GPHN: variants seen among roughly 807,000 people sequenced by gnomAD.
The protein encoded by GPHN is gephyrin.
Under a neutral mutation model 95.5 loss-of-function variants are expected in GPHN, and 17 were observed. That is an observed-to-expected ratio of 0.18 (90% CI 0.12 to 0.27). The LOEUF (loss-of-function observed/expected upper bound fraction) is 0.27. Among genes scored for constraint, GPHN ranks in the 10% least tolerant of loss-of-function variants. The pLI is 1.00. For synonymous variants in GPHN, 320 were observed against 322.5 expected (o/e 0.99, Z 0.08); for missense variants, 660 against 978.1 (o/e 0.67, Z 4.34).
chr14:66,834,131 G>A (rs1209467654), intron 4 of GPHN, among the ~76,000 whole-genome samples: 1 of 151,988 alleles, frequency 6.6e-6, no homozygotes, highest in South Asian at 2.1e-4. Flanking sequence ...TTTGCTCTTG[G>A]CTGTGCTCAA....
At chr14:67,632,554 A>T in the GPHN span, among the ~76,000 whole-genome samples, 1 of 152,052 alleles carries the variant, frequency 6.6e-6, no homozygotes, top group African/African-American at 2.4e-5. Flanking sequence ...CACCATTTGT[A>T]CCCAGGGGAG....
At chr14:67,157,084 A>C (rs2081638672) in intron 18 of GPHN, among the ~76,000 whole-genome samples, 1 of 152,104 alleles carries the variant, frequency 6.6e-6, no homozygotes, top group African/African-American at 2.4e-5. Context: ...CTTATAAGAG[A>C]CACATCTTAA....
At chr14:67,209,487 AT>A in the GPHN span, among the ~76,000 whole-genome samples, 3 of 152,224 alleles carry the variant, frequency 2.0e-5, no homozygotes, top group African/African-American at 7.2e-5. Flanking sequence ...TTTTAAAAAA[AT>A]AAATACACTC....
intron 2 of GPHN, among the ~76,000 whole-genome samples, chr14:66,721,951 C>CAAAAAAAAAAAAAAAAAAAAAAAAAAAAA: frequency 1.7e-5 from 1 of 60,122 alleles, no homozygotes; most frequent in Non-Finnish European, 4.1e-5. Flanking sequence ...AACTCTGTCT[C>CAAAAAAAAAAAAAAAAAAAAAAAAAAAAA]AAAAAAAAAA....
chr14:67,382,470 G>A, the GPHN span: 1 of 1,613,474 alleles, frequency 6.2e-7, no homozygotes, highest in South Asian at 1.1e-5. Context: ...CTCCTCCTCG[G>A]TATGTAATGA....
chr14:67,582,202 A>T, the GPHN span: 1 of 1,613,706 alleles, frequency 6.2e-7, no homozygotes, highest in Non-Finnish European at 8.5e-7. This position sits in a 1 kb window ranked among gnomAD's most constrained non-coding sequence, Gnocchi z 5.0. Context: ...GGCTGCCCTG[A>T]TGGCCCAGGT....
chr14:67,201,820 A>G, the GPHN span: 1 of 264,138 alleles, frequency 3.8e-6, no homozygotes, highest in African/African-American at 2.3e-5. Context: ...CAATTATCAT[A>G]CAGCTGAGAA....
the GPHN span, among the ~76,000 whole-genome samples, chr14:67,506,976 C>G: frequency 3.9e-5 from 6 of 151,930 alleles, no homozygotes; most frequent in African/African-American, 1.5e-4. Context: ...GGGCCAGATT[C>G]CATCTAAAAA....
At chr14:66,590,696 C>G (rs1485670854) in intron 1 of GPHN, among the ~76,000 whole-genome samples, 1 of 152,014 alleles carries the variant, frequency 6.6e-6, no homozygotes, top group Non-Finnish European at 1.5e-5. Context: ...CAGGACCAGA[C>G]AGATTCACAG....
the GPHN span, among the ~76,000 whole-genome samples, chr14:67,610,046 G>C: frequency 1.3e-5 from 2 of 152,144 alleles, no homozygotes; most frequent in African/African-American, 4.8e-5. Flanking sequence ...GTCAAGGGCC[G>C]TTTGTGTCCT....
intron 17 of GPHN, among the ~76,000 whole-genome samples, chr14:67,141,199 C>G (rs1018760828): frequency 6.6e-6 from 1 of 152,116 alleles, no homozygotes; most frequent in Admixed American, 6.5e-5. Flanking sequence ...CAGGCCAGTG[C>G]TAGAGGAAAG....
chr14:67,275,884 C>T, the GPHN span, among the ~76,000 whole-genome samples: 302 of 152,234 alleles, frequency 2.0e-3, 2 homozygotes, highest in Non-Finnish European at 2.8e-3. Context: ...TCCATTTCTT[C>T]TAGATTTTCT....
chr14:66,937,395 T>TG (rs1396240546), intron 8 of GPHN, among the ~76,000 whole-genome samples: 7 of 152,010 alleles, frequency 4.6e-5, no homozygotes, highest in Non-Finnish European at 8.8e-5. Context: ...TTTTTTTTTT[T>TG]TTTTGAGACT....
At chr14:67,654,025 A>C in the GPHN span, among the ~76,000 whole-genome samples, 1 of 152,166 alleles carries the variant, frequency 6.6e-6, no homozygotes, top group African/African-American at 2.4e-5. Context: ...CAGCTGGAGG[A>C]TATTTCACCT....
At chr14:66,633,029 G>A (rs1566736017) in intron 1 of GPHN, among the ~76,000 whole-genome samples, 3 of 152,130 alleles carry the variant, frequency 2.0e-5, no homozygotes, top group African/African-American at 2.4e-5. Context: ...CATTCGAAGT[G>A]TACAATGTTT....
At chr14:66,586,724 C>T (rs1386777012) in intron 1 of GPHN, among the ~76,000 whole-genome samples, 2 of 152,194 alleles carry the variant, frequency 1.3e-5, no homozygotes, top group Non-Finnish European at 2.9e-5. Context: ...CCCCCACTCT[C>T]TTCTGGCTTG....
chr14:67,713,853 G>C, the GPHN span, among the ~76,000 whole-genome samples: 1 of 152,142 alleles, frequency 6.6e-6, no homozygotes, highest in East Asian at 1.9e-4. Context: ...ACAACTCGAA[G>C]CAGGGAGGGG....
the GPHN span, chr14:67,589,603 T>C: frequency 4.1e-6 from 4 of 986,026 alleles, no homozygotes; most frequent in Admixed American, 1.2e-4. Flanking sequence ...ACACAGGCAC[T>C]AGGTTGACAG....
the GPHN span, among the ~76,000 whole-genome samples, chr14:67,219,003 C>A: frequency 6.6e-6 from 1 of 151,854 alleles, no homozygotes; most frequent in Non-Finnish European, 1.5e-5. Flanking sequence ...AGATGGAGCC[C>A]TAGGGCTGGA....
Sources: allele counts gnomAD v4.1 joint callset (sites outside exome capture counted in the v4.1 genomes callset), GRCh38; gene constraint gnomAD v4.1.1; non-coding constraint Gnocchi (gnomAD v3.1); transcripts MANE v1.5; gene names NCBI Gene and HGNC (gene_info 2026-07-23, HGNC 2026-07-21).